Variants in VPS13C observed in about 807,000 individuals in gnomAD.
VPS13C encodes the protein intermembrane lipid transfer protein VPS13C.
In VPS13C, 358 loss-of-function variants were observed where a neutral mutation model predicts 456.8. The ratio of observed to expected loss-of-function variants is 0.78; its 90% CI spans 0.72 to 0.86. The LOEUF (loss-of-function observed/expected upper bound fraction) is 0.86. VPS13C is among the 40% of genes least tolerant of loss of function. VPS13C has a pLI of 0.00. For missense variants in VPS13C, 4,818 were observed against 4,385.4 expected (o/e 1.10, Z -2.79); for synonymous variants, 1,578 against 1,486.7 (o/e 1.06, Z -1.41).
chr15:61,882,590 T>C lies in VPS13C; in HGVS notation c.9624+6A>G. ...ATAAATACTTATTTGAGAATGACAA[T>C]GTTACCTGAAGCCAGTACAACCTGG... On this transcript the variant is annotated splice_donor_region_variant and intron_variant, in intron 69 of 84. Coordinates refer to ENST00000644861, the MANE Select transcript of VPS13C (RefSeq NM_020821.3). The C allele has an allele frequency of 6.6e-7, 1 of 1,514,500 alleles. No individual in the cohort carries two copies. Among genetic ancestry groups the C allele is most frequent in the Non-Finnish European group, 8.8e-7 (1 of 1,135,466 alleles). The allele number at this position is 1,514,500 out of a possible 1,614,324, so 93.8% of individuals were successfully genotyped here. A position where few individuals can be genotyped will look rare whatever the true frequency, so the allele number is the denominator to read the frequency against.
At chr15:61,959,076 T>C (rs1320807632) in intron 36 of VPS13C, among the ~76,000 whole-genome samples, 1 of 151,942 alleles carries the variant, frequency 6.6e-6, no homozygotes, top group Non-Finnish European at 1.5e-5. Context: ...ACAATTCCAA[T>C]GAAATAAAAT....
intron 66 of VPS13C, among the ~76,000 whole-genome samples, chr15:61,890,853 C>G (rs1454139014): frequency 6.6e-6 from 1 of 152,128 alleles, no homozygotes; most frequent in East Asian, 1.9e-4. Flanking sequence ...TCGAGACCAG[C>G]CTGGCCAACA....
rs12901055 is a variant in VPS13C, at chr15:61,880,708, T to A, written c.9903A>T (p.Gln3301His). Residue 3301 changes from glutamine (Q) to histidine (H), a missense_variant, in exon 73 of 85, where the codon CAA becomes CAT. Physicochemically the swap from Gln to His is conservative, Grantham distance 24 (BLOSUM62 0). Transcript: ENST00000644861. Reference sequence around the variant, plus strand: ...CTGCATTTAGAGCATCAATATCTTGTTGGATTAACTTTGTCTGAAAAAAAT... The same window carrying A: ...CTGCATTTAGAGCATCAATATCTTGATGGATTAACTTTGTCTGAAAAAAAT... ...EAERRRTKLI[Q>H]QDIDALNAEL... The A allele has an allele frequency of 5.7e-6, 9 of 1,579,466 alleles. No individual in the cohort carries two copies. Among genetic ancestry groups the A allele is most frequent in the Non-Finnish European group, 7.7e-6 (9 of 1,165,386 alleles).
At position 61,911,840 on chromosome 15, in the gene VPS13C, C is replaced by T; in HGVS notation, c.8715G>A (p.Glu2905=). The T allele has an allele frequency of 6.3e-7, 1 of 1,586,266 alleles. No homozygotes were observed. The highest frequency in any genetic ancestry group is 8.6e-7 in the Non-Finnish European group (1 of 1,166,170). The stretch of plus-strand genomic sequence containing the variant: ...CAGTTGTAACAAAGAAAAATGCTAC[C>T]TCTGAAGAAGCAATATAGTTCCATT... ...TNKWNYIASS[E]CLPFWPESLS... is the part of the protein sequence containing the mutation. The change falls in exon 63 of 85, where the codon GAG becomes GAA. Residue 2905 remains glutamate, a splice_region_variant and synonymous_variant. Coordinates refer to ENST00000644861, the MANE Select transcript of VPS13C (RefSeq NM_020821.3).
intron 84 of VPS13C, 48 bp from the exon 85 acceptor site, chr15:61,854,606 C>G (rs771601292): frequency 1.9e-6 from 3 of 1,585,358 alleles, no homozygotes; most frequent in Non-Finnish European, 2.6e-6. Context: ...AGTATAGGCT[C>G]ATTTGGTTGA....
Position 61,858,360 on chromosome 15 carries a change from A to ATCTG in VPS13C, c.10953-1955_10953-1952dup, listed in dbSNP as rs1204627223. On this transcript the variant is annotated intron_variant, in intron 82 of 84. Transcript: ENST00000644861. The surrounding 1 kb of genome is among the most constrained non-coding windows in gnomAD (Gnocchi z 4.4). ...TATCTATCTATCTATCTATCTATCTATCTGTCTATCTATCTCCCTCCCTCC... is the reference window on the plus strand; with the variant it reads ...TATCTATCTATCTATCTATCTATCTATCTGTCTGTCTATCTATCTCCCTCCCTCC... Among the ~76,000 whole-genome samples, 11 of 135,428 alleles carry ATCTG rather than the reference A, an allele frequency of 8.1e-5. No individual in the cohort carries two copies. The highest frequency in any genetic ancestry group is 1.8e-4 in the Admixed American group (2 of 11,322). The allele number at this position is 135,428 out of a possible 152,430, so 88.8% of individuals were successfully genotyped here.
At chr15:62,060,230 G>A (rs776725976) in intron 1 of VPS13C, 45 bp downstream of exon 1, 2 of 1,175,356 alleles carry the variant, frequency 1.7e-6, no homozygotes, top group South Asian at 2.5e-5. Flanking sequence ...GCCCTCGGCT[G>A]GGCCCTCAGC....
chr15:61,947,413 G>A (rs938409934), intron 42 of VPS13C, 104 bp from the exon 43 acceptor site: 4 of 722,796 alleles, frequency 5.5e-6, no homozygotes, highest in African/African-American at 3.7e-5. Context: ...GTACTCTGAG[G>A]AACCAAAATG....
At chr15:61,980,805 A>G (rs1398278078) in intron 22 of VPS13C, among the ~76,000 whole-genome samples, 1 of 152,180 alleles carries the variant, frequency 6.6e-6, no homozygotes, top group Admixed American at 6.5e-5. Flanking sequence ...TCTTAAATTG[A>G]GAAACAAAGT....
rs759777910 is a variant in VPS13C at position 61,918,241 on chromosome 15, G to A, written c.7655C>T (p.Ser2552Phe). The A allele has an allele frequency of 6.4e-7, 1 of 1,570,990 alleles. No homozygotes were observed. The highest frequency in any genetic ancestry group is 2.3e-5 in the East Asian group (1 of 43,010). ...AAATTTATAGATGATAAATGCAATG[G>A]AGAAATGGTTTTTGATCTGTTGGAC... ...RSPLQIKNHF[S>F]IAFIIYKFVK... is the part of the protein sequence containing the mutation. Residue 2552 changes from serine (S) to phenylalanine (F), a missense_variant, in exon 59 of 85, where the codon TCC becomes TTC. Around this residue, in one of 3 missense-constraint regions of VPS13C, gnomAD observed 4,552 missense variants for 4,130.6 expected, o/e 1.10. Transcript: ENST00000644861.
chr15:62,041,243 GA>G lies in VPS13C; in HGVS notation c.187+80del, dbSNP rs1388547477. On this transcript the variant is annotated intron_variant, in intron 3 of 84. Coordinates refer to ENST00000644861, the MANE Select transcript of VPS13C (RefSeq NM_020821.3). Reference sequence around the variant, plus strand: ...AAAATCTCTCACACTTTTAATCAAAGATTTTTTTAGGTTAAATAACACAAGC... The same window carrying G: ...AAAATCTCTCACACTTTTAATCAAAGTTTTTTTAGGTTAAATAACACAAGC... 21 of 1,460,778 alleles carry G rather than the reference GA, an allele frequency of 1.4e-5. 1 individual carries two copies. Among genetic ancestry groups the G allele is most frequent in the Non-Finnish European group, 2.0e-5 (21 of 1,074,252 alleles). 90.5% of individuals were successfully genotyped at this position (1,460,778 alleles called of 1,614,324 possible).
Position 61,950,940 on chromosome 15 carries a change from G to C in VPS13C, c.4536+5C>G, listed in dbSNP as rs761574228. 2.5e-6 allele frequency: 4 copies of C among 1,574,814 alleles called. No individual in the cohort carries two copies. In the Admixed American group the frequency reaches 7.2e-5, roughly 28 times the overall value. On this transcript the variant is annotated splice_donor_5th_base_variant and intron_variant, in intron 40 of 84. Transcript: ENST00000644861. ...TTAAAGAATCCTAGAAATGAAACTA[G>C]TTACCTTTGTCAGTAACATTTTCAG... is the stretch of plus-strand genomic sequence containing the variant.
At chr15:61,964,399 C>G (rs1298557099) in intron 31 of VPS13C, among the ~76,000 whole-genome samples, 1 of 152,004 alleles carries the variant, frequency 6.6e-6, no homozygotes, top group African/African-American at 2.4e-5. Context: ...CTTTATAAAG[C>G]CCCTTCAGGA....
intron 66 of VPS13C, among the ~76,000 whole-genome samples, chr15:61,892,965 A>G (rs745311729): frequency 1.2e-4 from 18 of 152,240 alleles, no homozygotes; most frequent in Non-Finnish European, 2.2e-4. Flanking sequence ...AAAAAAGAAC[A>G]AAGAATGCCT....
chr15:61,872,649 T>C lies in VPS13C; in HGVS notation c.10578+597A>G, dbSNP rs572646476. 3.3e-5 allele frequency among the ~76,000 whole-genome samples: 5 copies of C among 152,258 alleles called. No individual in the cohort carries two copies. The South Asian group carries it at 8.3e-4, about 25-fold the overall frequency. ...AAGTAATGGTAGTAAAATACCTGTA[T>C]ATTCTATGAACACACAGAAAGAGAA... On this transcript the variant is annotated intron_variant, in intron 78 of 84. Transcript: ENST00000644861.
chr15:62,012,223 C>A, intron 11 of VPS13C, 59 bp from the exon 12 acceptor site: 3 of 100,834 alleles, frequency 3.0e-5, no homozygotes, highest in East Asian at 1.8e-4. Context: ...CAGACTCAGA[C>A]ACACACACAC....
chr15:62,011,812 C>T (rs1046339432), intron 12 of VPS13C, among the ~76,000 whole-genome samples: 2 of 151,724 alleles, frequency 1.3e-5, no homozygotes, highest in Admixed American at 6.6e-5. Context: ...AAATCTAAAT[C>T]CTAAAACAAA....
chr15:61,863,032 A>G (rs1026537498), intron 82 of VPS13C, among the ~76,000 whole-genome samples: 1 of 152,204 alleles, frequency 6.6e-6, no homozygotes, highest in Admixed American at 6.5e-5. Context: ...ATATAGAAGT[A>G]ATGCCACCCT....
intron 82 of VPS13C, among the ~76,000 whole-genome samples, chr15:61,861,315 A>G (rs1894216280): frequency 6.6e-6 from 1 of 152,088 alleles, no homozygotes; most frequent in South Asian, 2.1e-4. Context: ...GTGCCCTTCA[A>G]GCCAAATCCA....
Sources: gnomAD v4.1 joint callset for allele counts (sites outside exome capture counted in the v4.1 genomes callset) on GRCh38, gnomAD v4.1.1 for gene constraint, gnomAD v4.1.1 regional missense constraint, Gnocchi (gnomAD v3.1) non-coding constraint, MANE v1.5 for transcripts, NCBI Gene and HGNC (gene_info 2026-07-23, HGNC 2026-07-21) for gene names.